Variants in LCA5 observed in about 807,000 individuals in gnomAD.
The protein encoded by LCA5 is lebercilin LCA5.
LCA5 carries 37 observed loss-of-function variants against 53.0 expected under a neutral mutation model. The ratio of observed to expected loss-of-function variants is 0.70; its 90% CI spans 0.54 to 0.92. The LOEUF (loss-of-function observed/expected upper bound fraction) is 0.92. Ranked by LOEUF, LCA5 falls within the 40% of genes least tolerant of loss-of-function variation. The pLI is 0.00. For missense variants in LCA5, 806 were observed against 790.5 expected, an observed-to-expected ratio of 1.02 and a Z score of -0.23; for synonymous variants, 303 against 282.9, an observed-to-expected ratio of 1.07 and a Z score of -0.71.
intron 1 of LCA5, among the ~76,000 whole-genome samples, chr6:79,529,446 T>G (rs912843781): frequency 6.6e-6 from 1 of 151,890 alleles, no homozygotes; most frequent in African/African-American, 2.4e-5. Context: ...GCGAACAGAA[T>G]GTAGAGGAGG....
chr6:79,525,970 G>C (rs1350014913), intron 1 of LCA5, among the ~76,000 whole-genome samples: 2 of 152,196 alleles, frequency 1.3e-5, no homozygotes. Context: ...GCAATACTTA[G>C]GAATTATGGG....
At chr6:79,502,721 T>C (rs951710359) in intron 3 of LCA5, among the ~76,000 whole-genome samples, 1 of 152,130 alleles carries the variant, frequency 6.6e-6, no homozygotes, top group African/African-American at 2.4e-5. Flanking sequence ...ACACAAAATA[T>C]ACTATTATAA....
intron 2 of LCA5, among the ~76,000 whole-genome samples, chr6:79,515,494 T>A (rs998960840): frequency 1.3e-5 from 2 of 152,156 alleles, no homozygotes; most frequent in Admixed American, 6.6e-5. Flanking sequence ...AATGTTTTTA[T>A]TTTTACTAAA....
At chr6:79,493,470 T>C in intron 4 of LCA5, 143 bp downstream of exon 4, 1 of 798,930 alleles carries the variant, frequency 1.3e-6, no homozygotes, top group Non-Finnish European at 2.0e-6. Flanking sequence ...AACAAACCTT[T>C]TCTAAGTGCT....
At position 79,486,796 on chromosome 6, in the gene LCA5, T is replaced by A; in HGVS notation, c.*208A>T. 2.1e-6 allele frequency: 1 copy of A among 468,846 alleles called. No individual in the cohort carries two copies. Among genetic ancestry groups the A allele is most frequent in the Non-Finnish European group, 3.7e-6 (1 of 270,206 alleles). 29.0% of individuals were successfully genotyped at this position (468,846 alleles called of 1,614,324 possible). A position where few individuals can be genotyped will look rare whatever the true frequency, so the allele number is the denominator to read the frequency against. On this transcript the variant is annotated 3_prime_UTR_variant, in exon 8 of 8. Transcript: ENST00000369846. The stretch of plus-strand genomic sequence containing the variant: ...TTTCAAGACATATTTTTATTTTTGG[T>A]TTCATTCAAAAAAGCCTCCTTCATT...
chr6:79,516,740 CCTT>C (rs1766450421), intron 2 of LCA5, among the ~76,000 whole-genome samples: 3 of 151,838 alleles, frequency 2.0e-5, no homozygotes, highest in African/African-American at 2.4e-5. Flanking sequence ...CTTCATCTCT[CCTT>C]CTTAAGTCAC....
intron 3 of LCA5, among the ~76,000 whole-genome samples, chr6:79,509,453 CAAAAAAAAA>C (rs55961532): frequency 1.2e-5 from 1 of 84,266 alleles, no homozygotes; most frequent in Admixed American, 1.2e-4. Flanking sequence ...GACTCCGTCT[CAAAAAAAAA>C]AAAAAAAAAA....
At position 79,506,625 on chromosome 6, in the gene LCA5, G is replaced by A. The variant is rs192809061; in HGVS notation, c.720+6587C>T. On this transcript the variant is annotated intron_variant, in intron 3 of 7. Transcript: ENST00000369846. Reference sequence around the variant, plus strand: ...AGTCACTAAAAGAAACTGCATATTAGCCGAATTACTAATGAAGTTTCTAAC... The same window carrying A: ...AGTCACTAAAAGAAACTGCATATTAACCGAATTACTAATGAAGTTTCTAAC... Among the ~76,000 whole-genome samples, 5 of 152,248 alleles carry A rather than the reference G, an allele frequency of 3.3e-5. No individual in the cohort carries two copies. In the East Asian group the frequency reaches 9.6e-4, roughly 29 times the overall value.
At chr6:79,492,355 G>A (rs1011719143) in intron 5 of LCA5, among the ~76,000 whole-genome samples, 196 bp downstream of exon 5, 2 of 151,592 alleles carry the variant, frequency 1.3e-5, no homozygotes, top group South Asian at 2.1e-4. Context: ...TTTTAACAGC[G>A]TCACTTCAGG....
chr6:79,494,588 TCATTA>T (rs1444087261), intron 3 of LCA5, among the ~76,000 whole-genome samples: 1 of 152,074 alleles, frequency 6.6e-6, no homozygotes, highest in Non-Finnish European at 1.5e-5. Flanking sequence ...AGTTACAATC[TCATTA>T]CATTGTGATA....
chr6:79,490,564 C>T (rs914124938), intron 6 of LCA5, among the ~76,000 whole-genome samples: 1 of 152,072 alleles, frequency 6.6e-6, no homozygotes, highest in Non-Finnish European at 1.5e-5. Context: ...CTTTGTTATT[C>T]CTCACTTTGT....
intron 3 of LCA5, among the ~76,000 whole-genome samples, chr6:79,500,782 T>C (rs1206807139): frequency 1.3e-4 from 20 of 152,198 alleles, no homozygotes; most frequent in Admixed American, 1.3e-3. Context: ...TAAATCCATT[T>C]CTCCTGCTCC....
chr6:79,497,935 C>A (rs535466894), intron 3 of LCA5, among the ~76,000 whole-genome samples: 6 of 133,726 alleles, frequency 4.5e-5, no homozygotes, highest in African/African-American at 1.8e-4. Context: ...CCAGAGTGGG[C>A]GACAGAGTGA....
At chr6:79,487,986 A>C in intron 7 of LCA5, 120 bp from the exon 8 acceptor site, 2 of 766,492 alleles carry the variant, frequency 2.6e-6, no homozygotes, top group Non-Finnish European at 2.1e-6. Flanking sequence ...CAAGTGAGAA[A>C]AGACATCATA....
At chr6:79,530,859 A>G (rs1034673535) in intron 1 of LCA5, among the ~76,000 whole-genome samples, 1 of 152,204 alleles carries the variant, frequency 6.6e-6, no homozygotes, top group Non-Finnish European at 1.5e-5. Flanking sequence ...TAAATAAAAA[A>G]GAAAAGACAT....
intron 3 of LCA5, among the ~76,000 whole-genome samples, chr6:79,501,676 G>A (rs1770143060): frequency 6.7e-6 from 1 of 150,176 alleles, no homozygotes; most frequent in Non-Finnish European, 1.5e-5. Context: ...ATACTATATT[G>A]TATATAGTAT....
At chr6:79,525,148 C>G (rs1766744646) in intron 1 of LCA5, 1 of 152,090 alleles carries the variant, frequency 6.6e-6, no homozygotes, top group Non-Finnish European at 1.5e-5. Flanking sequence ...AAAGTCTCTT[C>G]TGATCCAAGA....
At chr6:79,504,686 G>T (rs1770230281) in intron 3 of LCA5, among the ~76,000 whole-genome samples, 1 of 152,110 alleles carries the variant, frequency 6.6e-6, no homozygotes, top group Non-Finnish European at 1.5e-5. Context: ...AAAGAAGGCA[G>T]CTTTAGGCTA....
At chr6:79,489,245 C>T (rs1282332214) in intron 6 of LCA5, 29 bp from the exon 7 acceptor site, 6 of 1,605,858 alleles carry the variant, frequency 3.7e-6, no homozygotes, top group Non-Finnish European at 5.1e-6. Flanking sequence ...AATGCAAGTT[C>T]ACAAATTATA....
Sources: gnomAD v4.1 joint callset for allele counts (sites outside exome capture counted in the v4.1 genomes callset) on GRCh38, gnomAD v4.1.1 for gene constraint, MANE v1.5 for transcripts, NCBI Gene and HGNC (gene_info 2026-07-23, HGNC 2026-07-21) for gene names.